The following MARF1 variants were observed in gnomAD, a reference collection of about 807,000 sequenced individuals.
MARF1 encodes the protein limkain-b1.
MARF1 carries 24 observed loss-of-function variants against 168.2 expected under a neutral mutation model. The observed-to-expected ratio is 0.14, with a 90% CI of 0.10 to 0.20. The LOEUF is 0.20. Ranked by LOEUF, MARF1 falls within the 10% of genes least tolerant of loss-of-function variation. MARF1 has a pLI of 1.00. For synonymous variants in MARF1, 868 were observed against 822.4 expected (o/e 1.06, Z -0.95); for missense variants, 1,744 against 2,143.6 (o/e 0.81, Z 3.68).
In MARF1 at chr16:15,643,106, C is replaced by T. The variant is rs1202256213; in HGVS notation, c.-147G>A. On this transcript the variant is annotated 5_prime_UTR_variant, in exon 1 of 27. Transcript: ENST00000396368. ...GGCCCTTTGTTTTGATTCCCGACTC[C>T]GCAGCTCCCGCCGCCGCCGCCAAGC... is the stretch of plus-strand genomic sequence containing the variant. The T allele has an allele frequency of 1.1e-5, 3 of 285,420 alleles. No homozygotes were observed. The highest frequency in any genetic ancestry group is 2.6e-5 in the South Asian group (1 of 37,956). 17.7% of individuals were successfully genotyped at this position (285,420 alleles called of 1,614,324 possible).
rs754843858 is a variant in MARF1 at position 15,631,431 on chromosome 16, C to T, written c.1301G>A (p.Arg434His). The T allele has an allele frequency of 1.4e-5, 22 of 1,613,144 alleles. No homozygotes were observed. The highest frequency in any genetic ancestry group is 1.3e-4 in the African/African-American group (10 of 75,004). The change falls in exon 6 of 27, where the codon CGC becomes CAC. Residue 434 changes from arginine (R) to histidine (H), a missense_variant. Physicochemically the swap from Arg to His is conservative, Grantham distance 29. Transcript: ENST00000396368. ...AADDKLRQSL[R>H]RFANTHTAPA... Reference sequence around the variant, plus strand: ...AGCAGTGTGTGTATTTGCAAATCTGCGGAGACTCTGCCGCAGTTTATCATC... The same window carrying T: ...AGCAGTGTGTGTATTTGCAAATCTGTGGAGACTCTGCCGCAGTTTATCATC...
intron 16 of MARF1, among the ~76,000 whole-genome samples, chr16:15,613,955 T>C (rs530153692): frequency 6.6e-6 from 1 of 152,214 alleles, no homozygotes; most frequent in Admixed American, 6.5e-5. Flanking sequence ...TATGTGTGTA[T>C]ACACAGGAAG....
chr16:15,604,915 C>G (rs925585602), intron 21 of MARF1, among the ~76,000 whole-genome samples: 1 of 152,204 alleles, frequency 6.6e-6, no homozygotes, highest in African/African-American at 2.4e-5. Flanking sequence ...CTGCATTTTT[C>G]TAGTCTGCTA....
chr16:15,636,679 A>T (rs574860032), intron 2 of MARF1, among the ~76,000 whole-genome samples: 2 of 152,348 alleles, frequency 1.3e-5, no homozygotes, highest in East Asian at 3.9e-4. Context: ...AATCTTCTGA[A>T]GACAAAATAG....
Position 15,596,810 on chromosome 16 carries a change from C to A in MARF1, c.5112G>T (p.Ser1704=). The A allele has an allele frequency of 6.2e-7, 1 of 1,614,020 alleles. No individual in the cohort carries two copies. Among genetic ancestry groups the A allele is most frequent in the Non-Finnish European group, 8.5e-7 (1 of 1,179,952 alleles). ...TGCTGAGCAGTGACTCGGAGGTTTCCGAGGAGGGGCAGGGAGGCACGGGGA... is the reference window on the plus strand; with the variant it reads ...TGCTGAGCAGTGACTCGGAGGTTTCAGAGGAGGGGCAGGGAGGCACGGGGA... ...AAVPVPPCPS[S]ETSESLLSKD... is the part of the protein sequence containing the mutation. The change falls in exon 27 of 27, where the codon TCG becomes TCT. Residue 1704 remains serine (S), a synonymous_variant. Coordinates refer to ENST00000396368, the MANE Select transcript of MARF1 (RefSeq NM_014647.4).
intron 19 of MARF1, chr16:15,610,189 T>C (rs1596455731): frequency 1.3e-5 from 2 of 154,178 alleles, no homozygotes; most frequent in African/African-American, 2.4e-5. Context: ...GCTTCAAAAG[T>C]TGAACAAAAA....
In MARF1 at chr16:15,599,297, G is replaced by A; in HGVS notation, c.4814-273C>T. On this transcript the variant is annotated intron_variant, in intron 25 of 26. Transcript: ENST00000396368. ...CTCAAAAGACCCAACCAGAGAAAAG[G>A]GTCCTGCAGTCAGCTTCCAAAGAGA... 6.4e-6 allele frequency: 3 copies of A among 471,140 alleles called. No individual in the cohort carries two copies. The South Asian group carries it at 8.8e-5, about 14-fold the overall frequency. 29.2% of individuals were successfully genotyped at this position (471,140 alleles called of 1,614,324 possible). A position where few individuals can be genotyped will look rare whatever the true frequency, so the allele number is the denominator to read the frequency against.
intron 26 of MARF1, 151 bp downstream of exon 26, chr16:15,598,703 G>A (rs2032031372): frequency 2.5e-6 from 2 of 800,928 alleles, no homozygotes; most frequent in Admixed American, 5.0e-5. Flanking sequence ...AGGAACCCAG[G>A]TGGGGAAAGA....
chr16:15,602,886 C>A, intron 22 of MARF1: 1 of 268,474 alleles, frequency 3.7e-6, no homozygotes, highest in Non-Finnish European at 7.4e-6. Context: ...GAGGATGACA[C>A]TAGCATTCTT....
chr16:15,633,879 G>A, intron 4 of MARF1, 36 bp from the exon 5 acceptor site: 1 of 1,491,082 alleles, frequency 6.7e-7, no homozygotes, highest in Admixed American at 1.9e-5. Flanking sequence ...TACTTGTAGT[G>A]GAAAATAAAT....
intron 1 of MARF1, among the ~76,000 whole-genome samples, chr16:15,640,560 G>A (rs1168089768): frequency 2.0e-5 from 3 of 152,138 alleles, no homozygotes; most frequent in Non-Finnish European, 4.4e-5. Context: ...GCTGAGCGTG[G>A]TGGTGCATGC....
Position 15,604,149 on chromosome 16 carries a change from G to A in MARF1, c.4413+19C>T, listed in dbSNP as rs527881323. 5 of 1,535,694 alleles carry A rather than the reference G, an allele frequency of 3.3e-6. No homozygotes were observed. The Admixed American group carries it at 5.0e-5, about 15-fold the overall frequency. On this transcript the variant is annotated intron_variant, in intron 22 of 26. Transcript: ENST00000396368. ...GATAGTTTTCAATGATAGTTCTAAA[G>A]AGCCATTAACGTGCCTACCTCAACC... is the stretch of plus-strand genomic sequence containing the variant.
intron 11 of MARF1, among the ~76,000 whole-genome samples, chr16:15,622,263 G>C (rs1205095551): frequency 1.3e-5 from 2 of 152,020 alleles, no homozygotes; most frequent in African/African-American, 4.8e-5. Flanking sequence ...TAGCAAAATT[G>C]CACCTAAAAA....
chr16:15,635,148 C>A, intron 3 of MARF1: 1 of 511,708 alleles, frequency 2.0e-6, no homozygotes, highest in Non-Finnish European at 3.4e-6. Flanking sequence ...GAAAGATATT[C>A]ACGTGGTCAG....
intron 2 of MARF1, among the ~76,000 whole-genome samples, chr16:15,638,865 C>G (rs945293149): frequency 1.1e-4 from 16 of 152,194 alleles, no homozygotes; most frequent in African/African-American, 3.6e-4. Context: ...CAAATTTTAA[C>G]ATTAAATATT....
In MARF1 at chr16:15,596,507, A is replaced by G; in HGVS notation, c.*186T>C. On this transcript the variant is annotated 3_prime_UTR_variant, in exon 27 of 27. Coordinates refer to ENST00000396368, the MANE Select transcript of MARF1 (RefSeq NM_014647.4). ...GAAAAAAGAAAGAAAAAGGAAGAAG[A>G]AAAGAAAGACTTCAGCTCAAAGCTG... is the stretch of plus-strand genomic sequence containing the variant. 2.2e-6 allele frequency: 1 copy of G among 462,146 alleles called. No individual in the cohort carries two copies. Among genetic ancestry groups the G allele is most frequent in the African/African-American group, 2.0e-5 (1 of 49,784 alleles). 28.6% of individuals were successfully genotyped at this position (462,146 alleles called of 1,614,324 possible).
chr16:15,615,981 C>T lies in MARF1; in HGVS notation c.3102G>A (p.Glu1034=). Residue 1034 remains glutamate (E), a synonymous_variant, in exon 16 of 27, where the codon GAG becomes GAA. Coordinates refer to ENST00000396368, the MANE Select transcript of MARF1 (RefSeq NM_014647.4). ...CTTGCACTACTTCTAGATCGCCAAA[C>T]TCTGCAATGTAACAATCTGGAAAGC... ...LLSFPDCYIA[E]FGDLEVVQEN... 2 of 1,538,950 alleles carry T rather than the reference C, an allele frequency of 1.3e-6. No individual in the cohort carries two copies. The highest frequency in any genetic ancestry group is 1.8e-6 in the Non-Finnish European group (2 of 1,139,460).
At chr16:15,598,153 G>A (rs1225318553) in intron 26 of MARF1, among the ~76,000 whole-genome samples, 7 of 152,204 alleles carry the variant, frequency 4.6e-5, no homozygotes, top group African/African-American at 1.7e-4. Flanking sequence ...CGCAGGACAA[G>A]AGGGCTTGGG....
At chr16:15,625,338 A>G in intron 8 of MARF1, 34 bp downstream of exon 8, 7 of 1,571,468 alleles carry the variant, frequency 4.5e-6, no homozygotes, top group Non-Finnish European at 6.0e-6. Context: ...CAAACCTACC[A>G]TAAACTTCAG....
Sources: allele counts gnomAD v4.1 joint callset (sites outside exome capture counted in the v4.1 genomes callset), GRCh38; gene constraint gnomAD v4.1.1; transcripts MANE v1.5; gene names NCBI Gene and HGNC (gene_info 2026-07-23, HGNC 2026-07-21).